Variants in SERINC5 observed in about 807,000 individuals in gnomAD.
SERINC5 encodes chromosome 5 open reading frame 12.
In SERINC5, 41 loss-of-function variants were observed where a neutral mutation model predicts 63.1. The ratio of observed to expected loss-of-function variants is 0.65; its 90% CI spans 0.51 to 0.84. SERINC5 has a LOEUF of 0.84. Ranked by LOEUF, SERINC5 falls within the 40% of genes least tolerant of loss-of-function variation. SERINC5 has a pLI of 0.00. For synonymous variants in SERINC5, 222 were observed against 215.2 expected (o/e 1.03, Z -0.28); for missense variants, 523 against 573.0 (o/e 0.91, Z 0.89).
In SERINC5 at chr5:80,229,796, C is replaced by G. The variant is rs543671577; in HGVS notation, c.27+26100G>C. Among the ~76,000 whole-genome samples the G allele has an allele frequency of 4.6e-5, 7 of 152,308 alleles. 1 individual carries two copies. Among genetic ancestry groups the G allele is most frequent in the Admixed American group, 4.6e-4 (7 of 15,290 alleles). On this transcript the variant is annotated intron_variant, in intron 1 of 11. Coordinates refer to ENST00000507668, the MANE Select transcript of SERINC5 (RefSeq NM_001174072.3). ...GCATGCATGCTCATTTCATTCAATA[C>G]AAGGCTACTTAAATGCTCTGTGCCT...
rs749243383 is a variant in SERINC5, at chr5:80,178,008, C to A, written c.252G>T (p.Lys84Asn). The A allele has an allele frequency of 6.2e-7, 1 of 1,612,678 alleles. No individual in the cohort carries two copies. Among genetic ancestry groups the A allele is most frequent in the South Asian group, 1.1e-5 (1 of 90,766 alleles). ...TATACACGGCAGAATATCCCACCAG[C>A]TTCTCACAGGTGTCACCAGCTTTAA... is the stretch of plus-strand genomic sequence containing the variant. The part of the protein sequence containing the change: ...KGIKAGDTCE[K>N]LVGYSAVYRV... Residue 84 changes from lysine (K) to asparagine (N), a missense_variant, in exon 3 of 12, where the codon AAG becomes AAT. Physicochemically the swap from Lys to Asn is moderately conservative, Grantham distance 94. Coordinates refer to ENST00000507668, the MANE Select transcript of SERINC5 (RefSeq NM_001174072.3).
chr5:80,175,163 C>T (rs547302571), intron 4 of SERINC5, 116 bp from the exon 5 acceptor site: 1 of 630,140 alleles, frequency 1.6e-6, no homozygotes, highest in African/African-American at 1.8e-5. Flanking sequence ...ATTTGTCACA[C>T]AACCATATAA....
At chr5:80,228,262 G>A (rs1304954173) in intron 1 of SERINC5, among the ~76,000 whole-genome samples, 2 of 97,356 alleles carry the variant, frequency 2.1e-5, no homozygotes, top group African/African-American at 8.0e-5. Flanking sequence ...AGGGAGGGAA[G>A]GAAAGGAGGG....
At chr5:80,254,087 G>A (rs1419119052) in intron 1 of SERINC5, among the ~76,000 whole-genome samples, 1 of 152,072 alleles carries the variant, frequency 6.6e-6, no homozygotes, top group Non-Finnish European at 1.5e-5. Flanking sequence ...CATCACACCC[G>A]GCAATTTTGT....
In SERINC5 at chr5:80,114,150, C is replaced by T. The variant is rs188721315; in HGVS notation, c.1239-525G>A. On this transcript the variant is annotated intron_variant, in intron 11 of 12. Transcript: ENST00000509193. The stretch of plus-strand genomic sequence containing the variant: ...GTCTTCACCTAACCAAAATGTTGGC[C>T]GTCTGTATTAGTCTGTTTTCATACT... Among the ~76,000 whole-genome samples, 336 of 151,846 alleles carry T rather than the reference C, an allele frequency of 2.2e-3. 2 individuals carry two copies. The highest frequency in any genetic ancestry group is 1.8e-3 in the Non-Finnish European group (125 of 67,994).
At chr5:80,150,511 C>T (rs1370708463) in intron 9 of SERINC5, among the ~76,000 whole-genome samples, 1 of 152,214 alleles carries the variant, frequency 6.6e-6, no homozygotes, top group Non-Finnish European at 1.5e-5. Flanking sequence ...CCTTGGCTCA[C>T]TGCAACCTCT....
chr5:80,161,267 A>C (rs1746905214), intron 7 of SERINC5, among the ~76,000 whole-genome samples: 1 of 152,106 alleles, frequency 6.6e-6, no homozygotes, highest in Non-Finnish European at 1.5e-5. Context: ...TTCTCTGAGA[A>C]ATCTCCCACT....
At chr5:80,152,299 G>A (rs959436658) in intron 8 of SERINC5, among the ~76,000 whole-genome samples, 5 of 151,980 alleles carry the variant, frequency 3.3e-5, no homozygotes, top group African/African-American at 9.7e-5. Context: ...CCAGGAGTTC[G>A]AGACCAGCTT....
Position 80,141,399 on chromosome 5 carries a change from G to A in SERINC5, c.*2264C>T. The A allele has an allele frequency of 1.0e-6, 1 of 985,422 alleles. No individual in the cohort carries two copies. The highest frequency in any genetic ancestry group is 1.1e-4 in the East Asian group (1 of 8,820). The allele number at this position is 985,422 out of a possible 1,614,324, so 61.0% of individuals were successfully genotyped here. On this transcript the variant is annotated 3_prime_UTR_variant, in exon 12 of 12. Transcript: ENST00000507668. ...TAAGCTGCTTTCTGCAGAGGAAAGG[G>A]CCAATCACGGCCAGCCAAGGAATAC...
chr5:80,253,455 G>C (rs1057426181), intron 1 of SERINC5, among the ~76,000 whole-genome samples: 1 of 152,090 alleles, frequency 6.6e-6, no homozygotes, highest in Non-Finnish European at 1.5e-5. Flanking sequence ...CAGTCTTCAC[G>C]ACATCCCAAT....
Position 80,140,340 on chromosome 5 carries a change from G to T in SERINC5, c.*3323C>A. 1 of 934,562 alleles carries T rather than the reference G, an allele frequency of 1.1e-6. No individual in the cohort carries two copies. 57.9% of individuals were successfully genotyped at this position (934,562 alleles called of 1,614,324 possible). ...AAAAAAAAAAAAAAAAAAGGCTTAG[G>T]GTGACAATTTTGACATGGGGACAGG... On this transcript the variant is annotated 3_prime_UTR_variant, in exon 12 of 12. Coordinates refer to ENST00000507668, the MANE Select transcript of SERINC5 (RefSeq NM_001174072.3).
intron 2 of SERINC5, among the ~76,000 whole-genome samples, chr5:80,194,016 A>C (rs1447643223): frequency 6.6e-6 from 1 of 152,206 alleles, no homozygotes; most frequent in Non-Finnish European, 1.5e-5. Flanking sequence ...TCAGTTCTAC[A>C]ATGGGCTTGA....
chr5:80,169,114 C>T (rs1330658338), intron 6 of SERINC5, among the ~76,000 whole-genome samples: 3 of 152,288 alleles, frequency 2.0e-5, no homozygotes, highest in East Asian at 1.9e-4. Context: ...GACTTCGTTA[C>T]GTTCAGGTCT....
At chr5:80,247,919 C>T (rs930683324) in intron 1 of SERINC5, among the ~76,000 whole-genome samples, 1 of 152,200 alleles carries the variant, frequency 6.6e-6, no homozygotes. Flanking sequence ...ACAACCATGG[C>T]TCACTGCAGC....
chr5:80,247,620 T>G (rs1242089159), intron 1 of SERINC5, among the ~76,000 whole-genome samples: 1 of 152,156 alleles, frequency 6.6e-6, no homozygotes, highest in Non-Finnish European at 1.5e-5. Context: ...TCACTCTCCA[T>G]ACTGTTCAAG....
At chr5:80,255,662 G>A (rs994863506) in intron 1 of SERINC5, among the ~76,000 whole-genome samples, 1 of 152,166 alleles carries the variant, frequency 6.6e-6, no homozygotes, top group African/African-American at 2.4e-5. Context: ...AGTCCCGGAG[G>A]CCGGACGGGA....
At chr5:80,237,823 G>A in intron 1 of SERINC5, among the ~76,000 whole-genome samples, 1 of 151,984 alleles carries the variant, frequency 6.6e-6, no homozygotes, top group East Asian at 1.9e-4. Context: ...TATGCAATCG[G>A]CCAGGCACGG....
chr5:80,231,023 G>A (rs1042951408), intron 1 of SERINC5, among the ~76,000 whole-genome samples: 2 of 151,928 alleles, frequency 1.3e-5, no homozygotes, highest in African/African-American at 2.4e-5. Context: ...GGCTGGTCTC[G>A]AACTCCTGGC....
At chr5:80,181,707 T>A (rs926927744) in intron 2 of SERINC5, among the ~76,000 whole-genome samples, 11 of 152,154 alleles carry the variant, frequency 7.2e-5, no homozygotes, top group African/African-American at 2.7e-4. Context: ...TTTTGCTTGA[T>A]AAAGACTGCA....
Sources: allele counts gnomAD v4.1 joint callset (sites outside exome capture counted in the v4.1 genomes callset), GRCh38; gene constraint gnomAD v4.1.1; transcripts MANE v1.5; gene names NCBI Gene and HGNC (gene_info 2026-07-23, HGNC 2026-07-21).